Variants in IKBIP observed in about 807,000 individuals in gnomAD.
IKBIP encodes the protein IKBKB interacting protein.
Under a neutral mutation model 31.0 loss-of-function variants are expected in IKBIP, and 28 were observed. That is an observed-to-expected ratio of 0.90 (90% confidence interval 0.67 to 1.24). IKBIP has a LOEUF of 1.24. Among genes scored for constraint, IKBIP ranks in the 50% most tolerant of loss-of-function variants. IKBIP has a pLI of 0.00. For synonymous variants in IKBIP, 164 were observed against 160.3 expected (o/e 1.02, Z -0.17); for missense variants, 453 against 441.9 (o/e 1.03, Z -0.23).
chr12:98,633,506 A>ATT (rs2097622921), intron 2 of IKBIP, among the ~76,000 whole-genome samples: 1 of 120,540 alleles, frequency 8.3e-6, no homozygotes, highest in African/African-American at 3.1e-5. Flanking sequence ...TTTTTTTTTT[A>ATT]ATTCTTTTTT....
intron 1 of IKBIP, among the ~76,000 whole-genome samples, chr12:98,640,652 T>C (rs1384898031): frequency 1.3e-5 from 2 of 152,214 alleles, no homozygotes; most frequent in African/African-American, 2.4e-5. Flanking sequence ...CCTCAATTCT[T>C]ACCTGAAAAA....
chr12:98,640,381 G>T (rs1003391397), intron 1 of IKBIP, among the ~76,000 whole-genome samples: 1 of 151,904 alleles, frequency 6.6e-6, no homozygotes, highest in Admixed American at 6.6e-5. Flanking sequence ...TGGAGGTTGC[G>T]GTGAGCTGAG....
At chr12:98,618,979 C>G (rs930676340) in intron 2 of IKBIP, among the ~76,000 whole-genome samples, 62 of 152,198 alleles carry the variant, frequency 4.1e-4, no homozygotes, top group African/African-American at 1.5e-3. Flanking sequence ...GCAACCCCCC[C>G]ACTTCGCCCC....
chr12:98,621,244 G>A (rs1285394464), downstream of IKBIP, among the ~76,000 whole-genome samples: 2 of 151,994 alleles, frequency 1.3e-5, no homozygotes, highest in Non-Finnish European at 2.9e-5. Context: ...GCAAGACTTT[G>A]TCTCAAAAAA....
intron 1 of IKBIP, among the ~76,000 whole-genome samples, chr12:98,640,164 C>T (rs535322590): frequency 1.3e-5 from 2 of 152,208 alleles, no homozygotes; most frequent in African/African-American, 2.4e-5. Context: ...AGGCCAGGCA[C>T]GGTGGCTCAC....
At chr12:98,623,741 T>TA (rs2097611875), downstream of IKBIP, among the ~76,000 whole-genome samples, 3 of 150,730 alleles carry the variant, frequency 2.0e-5, no homozygotes, top group African/African-American at 7.5e-5. Flanking sequence ...TATTATCAGT[T>TA]ACAAAGATAC....
intron 1 of IKBIP, among the ~76,000 whole-genome samples, chr12:98,635,434 T>C (rs1016913066): frequency 2.0e-5 from 3 of 152,354 alleles, no homozygotes; most frequent in Non-Finnish European, 4.4e-5. Context: ...CAGATTTTCA[T>C]GTGGTAGGTA....
chr12:98,627,846 T>A (rs888665447), intron 2 of IKBIP, among the ~76,000 whole-genome samples: 2 of 152,206 alleles, frequency 1.3e-5, no homozygotes, highest in Non-Finnish European at 1.5e-5. Context: ...TGCCAAAAAA[T>A]TTTTTTGACC....
Position 98,626,265 on chromosome 12 carries a change from C to A in IKBIP, c.799G>T (p.Glu267Ter). The A allele has an allele frequency of 6.2e-7, 1 of 1,614,146 alleles. No homozygotes were observed. The highest frequency in any genetic ancestry group is 1.1e-5 in the South Asian group (1 of 91,082). The change falls in exon 3 of 3, where the codon GAA becomes TAA. Residue 267 changes from glutamate to a stop codon, truncating the protein, a stop_gained. Transcript: ENST00000299157. LOFTEE classifies it high-confidence loss of function. ...GTTGGCAAATGTGTCTTGCATTCTT[C>A]AACTTTGGGTTCGTAGTCGGAAAGT... ...NKLSDYEPKVEECKTHLPTIE... is the reference protein window; with the variant it reads ...NKLSDYEPKV
downstream of IKBIP, among the ~76,000 whole-genome samples, chr12:98,623,021 C>A (rs1337413866): frequency 6.6e-6 from 1 of 150,544 alleles, no homozygotes; most frequent in Non-Finnish European, 1.5e-5. Context: ...CACTCTGTTG[C>A]CAGGCTGTAG....
downstream of IKBIP, among the ~76,000 whole-genome samples, chr12:98,623,503 C>T (rs1409224417): frequency 1.3e-5 from 2 of 150,400 alleles, no homozygotes; most frequent in African/African-American, 5.0e-5. Flanking sequence ...CCTCAGCTTC[C>T]CAGAGTGTTG....
rs2097604766 is a variant in IKBIP, at chr12:98,613,993, A to C, written c.645T>G (p.Gly215=). The C allele has an allele frequency of 1.1e-5, 17 of 1,610,424 alleles. No individual in the cohort carries two copies. In the East Asian group the frequency reaches 3.8e-4, roughly 36 times the overall value. The change falls in exon 3 of 3, where the codon GGT becomes GGG. Residue 215 remains glycine, a synonymous_variant. Coordinates refer to the IKBIP transcript ENST00000342502. ...GATCAATACTGCTTGAAAGAAGATC[A>C]CCTATATTTTTTACTGTATTTTTTT...
At position 98,624,930 on chromosome 12, in the gene IKBIP, G is replaced by C; in HGVS notation, c.*1000C>G. On this transcript the variant is annotated 3_prime_UTR_variant, in exon 3 of 3. Coordinates refer to ENST00000299157, the MANE Select transcript of IKBIP (RefSeq NM_153687.4). ...CACCATTCTCCTGCCTCAGCCTCCT[G>C]AGTAGCTGGGACTACAGGCACCCAC... is the stretch of plus-strand genomic sequence containing the variant. 1 of 291,394 alleles carries C rather than the reference G, an allele frequency of 3.4e-6. No homozygotes were observed. Among genetic ancestry groups the C allele is most frequent in the East Asian group, 1.7e-4 (1 of 5,716 alleles). The allele number at this position is 291,394 out of a possible 1,614,324, so 18.1% of individuals were successfully genotyped here. A position where few individuals can be genotyped will look rare whatever the true frequency, so the allele number is the denominator to read the frequency against.
intron 2 of IKBIP, among the ~76,000 whole-genome samples, chr12:98,633,493 T>A (rs74375608): frequency 0.068 from 9,876 of 145,002 alleles, 472 homozygotes; most frequent in East Asian, 0.19. Context: ...AGGCTAGCCG[T>A]TCTTTTTTTT....
chr12:98,618,440 T>C (rs1471526180), intron 2 of IKBIP, among the ~76,000 whole-genome samples: 1 of 151,300 alleles, frequency 6.6e-6, no homozygotes, highest in African/African-American at 2.4e-5. Flanking sequence ...TCCTGGCTAA[T>C]GCAGTGAAAC....
exon 3 of IKBIP, chr12:98,613,570 C>T (rs371604195): frequency 6.3e-5 from 86 of 1,358,250 alleles, no homozygotes; most frequent in African/African-American, 2.1e-4. Flanking sequence ...TTAGTCTAAT[C>T]TCAATAATGT....
chr12:98,636,147 GAAC>G (rs2097625576), intron 1 of IKBIP, among the ~76,000 whole-genome samples: 1 of 152,214 alleles, frequency 6.6e-6, no homozygotes, highest in Non-Finnish European at 1.5e-5. Flanking sequence ...CAATGGAGCA[GAAC>G]CATAAGTACC....
intron 2 of IKBIP, among the ~76,000 whole-genome samples, chr12:98,630,933 T>C (rs2097619521): frequency 2.6e-5 from 1 of 38,480 alleles, no homozygotes; most frequent in African/African-American, 2.0e-4. Context: ...CTTTTTTTTC[T>C]TTTCATTTTT....
rs761965932 is a variant in IKBIP at position 98,644,605 on chromosome 12, G to C, written c.97C>G (p.Arg33Gly). The change falls in exon 1 of 3, where the codon CGG (arginine) becomes GGG (glycine). Residue 33 changes from arginine to glycine, a missense_variant. Physicochemically the swap from Arg to Gly is moderately radical, Grantham distance 125. Transcript: ENST00000299157. ...RSEGGKTPVA[R>G]SSGGGGWADP... ...GCCCAGCCCCCGCCTCCGCTGCTCCGGGCCACGGGGGTCTTCCCGCCCTCG... is the reference window on the plus strand; with the variant it reads ...GCCCAGCCCCCGCCTCCGCTGCTCCCGGCCACGGGGGTCTTCCCGCCCTCG... The C allele has an allele frequency of 1.9e-6, 3 of 1,609,770 alleles. No homozygotes were observed. The South Asian group carries it at 3.3e-5, about 18-fold the overall frequency.
Sources: gnomAD v4.1 joint callset for allele counts (sites outside exome capture counted in the v4.1 genomes callset) on GRCh38, gnomAD v4.1.1 for gene constraint, MANE v1.5 for transcripts, NCBI Gene and HGNC (gene_info 2026-07-23, HGNC 2026-07-21) for gene names.